ZNF844: variants seen among roughly 807,000 people sequenced by gnomAD.
ZNF844 encodes the protein zinc finger protein 844.
In ZNF844, 11 loss-of-function variants were observed where a neutral mutation model predicts 11.4. The ratio of observed to expected loss-of-function variants is 0.97; its 90% confidence interval spans 0.61 to 1.60. The LOEUF is 1.60. Ranked by LOEUF, ZNF844 falls within the 40% of genes most tolerant of loss-of-function variation. ZNF844 has a pLI of 0.00. For missense variants in ZNF844, 790 were observed against 796.8 expected, an observed-to-expected ratio of 0.99 and a Z score of 0.10; for synonymous variants, 248 against 260.3, an observed-to-expected ratio of 0.95 and a Z score of 0.46.
rs1975856875 is a variant in ZNF844, at chr19:12,078,456, C to T, written c.*1335C>T. 1 of 152,114 alleles carries T rather than the reference C, an allele frequency of 6.6e-6. No individual in the cohort carries two copies. Among genetic ancestry groups the T allele is most frequent in the African/African-American group, 2.4e-5 (1 of 41,402 alleles). The allele number at this position is 152,114 out of a possible 1,614,324, so 9.4% of individuals were successfully genotyped here. ...TTCTCTATTTAATTAATTGAGAAGC[C>T]ATAATAAAATATCTCAGTGCCATCA... On this transcript the variant is annotated 3_prime_UTR_variant, in exon 4 of 4. Transcript: ENST00000439326.
chr19:12,073,455 C>T (rs1975773576), intron 1 of ZNF844, among the ~76,000 whole-genome samples: 1 of 152,108 alleles, frequency 6.6e-6, no homozygotes, highest in Non-Finnish European at 1.5e-5. Context: ...CGCGCCCGGC[C>T]CACAGTACTG....
At position 12,076,038 on chromosome 19, in the gene ZNF844, G is replaced by A; in HGVS notation, c.918G>A (p.Glu306=). Reference sequence around the variant, plus strand: ...TACATGAAAGAACTCACAGTGAGGAGAAGGCTTATGAATGTACCAAATGTG... The same window carrying A: ...TACATGAAAGAACTCACAGTGAGGAAAAGGCTTATGAATGTACCAAATGTG... ...FQIHERTHSE[E]KAYECTKCGK... The change falls in exon 4 of 4, where the codon GAG becomes GAA. Residue 306 remains glutamate, a synonymous_variant. Coordinates refer to ENST00000439326, the MANE Select transcript of ZNF844 (RefSeq NM_001136501.3). 8 of 1,566,266 alleles carry A rather than the reference G, an allele frequency of 5.1e-6. No homozygotes were observed. Among genetic ancestry groups the A allele is most frequent in the Non-Finnish European group, 6.9e-6 (8 of 1,154,962 alleles).
Position 12,074,354 on chromosome 19 carries a change from A to G in ZNF844, c.131-7A>G. The G allele has an allele frequency of 6.6e-7, 1 of 1,522,778 alleles. No homozygotes were observed. The highest frequency in any genetic ancestry group is 2.5e-5 in the East Asian group (1 of 40,686). 94.3% of individuals were successfully genotyped at this position (1,522,778 alleles called of 1,614,324 possible). A position where few individuals can be genotyped will look rare whatever the true frequency, so the allele number is the denominator to read the frequency against. On this transcript the variant is annotated splice_region_variant and splice_polypyrimidine_tract_variant and intron_variant, in intron 2 of 3. Transcript: ENST00000439326. The stretch of plus-strand genomic sequence containing the variant: ...TTCAGGATTCTTTTTCTGATTCTGT[A>G]TTTTAGGAGAAAAATGGAAAGACCA...
At chr19:12,073,556 G>GC (rs1568359478) in intron 1 of ZNF844, among the ~76,000 whole-genome samples, 1 of 143,818 alleles carries the variant, frequency 7.0e-6, no homozygotes, top group Non-Finnish European at 1.5e-5. Context: ...GCAAAATCCA[G>GC]TTTTTTTTTT....
chr19:12,066,597 A>T (rs1975691802), intron 1 of ZNF844, among the ~76,000 whole-genome samples: 1 of 125,960 alleles, frequency 7.9e-6, no homozygotes, highest in Non-Finnish European at 1.6e-5. Context: ...CCCAGACTGG[A>T]GTGCAGTGAC....
chr19:12,077,141 A>G lies in ZNF844; in HGVS notation c.*20A>G. 6.2e-7 allele frequency: 1 copy of G among 1,601,862 alleles called. No individual in the cohort carries two copies. The highest frequency in any genetic ancestry group is 8.5e-7 in the Non-Finnish European group (1 of 1,174,188). On this transcript the variant is annotated 3_prime_UTR_variant, in exon 4 of 4. Transcript: ENST00000439326. ...GAGTGAAACCGTATGAATGCAAGGA[A>G]TGTGGCAAAGCCTTCACTTCTTCTG...
At chr19:12,073,719 T>TA (rs1196009868) in intron 1 of ZNF844, among the ~76,000 whole-genome samples, 1 of 152,160 alleles carries the variant, frequency 6.6e-6, no homozygotes, top group Non-Finnish European at 1.5e-5. Context: ...AGGACTGTGT[T>TA]ATGACAGGTG....
intron 1 of ZNF844, among the ~76,000 whole-genome samples, chr19:12,071,145 C>T (rs548294827): frequency 6.6e-6 from 1 of 152,304 alleles, no homozygotes; most frequent in African/African-American, 2.4e-5. Flanking sequence ...TTCCTCCCCA[C>T]GTTCCAGAAC....
intron 1 of ZNF844, among the ~76,000 whole-genome samples, chr19:12,069,708 A>T (rs2145543470): frequency 6.7e-6 from 1 of 148,996 alleles, no homozygotes; most frequent in South Asian, 2.2e-4. Context: ...TAATCCTAGC[A>T]CTTTGGGAGG....
At chr19:12,071,642 A>G (rs929057409) in intron 1 of ZNF844, among the ~76,000 whole-genome samples, 2 of 150,842 alleles carry the variant, frequency 1.3e-5, no homozygotes, top group African/African-American at 4.9e-5. Flanking sequence ...GGCCCTTTTC[A>G]TATATCTTGC....
chr19:12,071,218 T>A (rs1348473830), intron 1 of ZNF844, among the ~76,000 whole-genome samples: 1 of 152,174 alleles, frequency 6.6e-6, no homozygotes, highest in Admixed American at 6.6e-5. Context: ...ATGATACATG[T>A]GAAACTGCTG....
At chr19:12,070,120 AAAATAAAAATAAGCGT>A (rs1375231004) in intron 1 of ZNF844, 1 of 151,340 alleles carries the variant, frequency 6.6e-6, no homozygotes, top group African/African-American at 2.4e-5. Flanking sequence ...AAAAAAGACA[AAAATAAAAATAAGCGT>A]AAAAAAAAAA....
rs1975833063 is a variant in ZNF844, at chr19:12,076,989, A to G, written c.1869A>G (p.Ser623=). ...ATGTAAGGAATGCGGAAAAGCGTTC[A>G]ATTATTTTTCTTCTTTGCGTATACA... ...PMNVRNAEKR[S]IIFLLCVYTK... The change falls in exon 4 of 4, where the codon TCA becomes TCG. Residue 623 remains serine, a synonymous_variant. Transcript: ENST00000439326. 1 of 1,600,500 alleles carries G rather than the reference A, an allele frequency of 6.2e-7. No homozygotes were observed. Among genetic ancestry groups the G allele is most frequent in the Non-Finnish European group, 8.5e-7 (1 of 1,173,074 alleles).
In ZNF844 at chr19:12,080,101, C is replaced by G. The variant is rs753411237; in HGVS notation, c.*2980C>G. ...CAGTGGCTCACGCCTGTAATCCCAGCACTTTGGGAGGCTGAGGTGGGCGGA... is the reference window on the plus strand; with the variant it reads ...CAGTGGCTCACGCCTGTAATCCCAGGACTTTGGGAGGCTGAGGTGGGCGGA... On this transcript the variant is annotated 3_prime_UTR_variant, in exon 4 of 4. Coordinates refer to ENST00000439326, the MANE Select transcript of ZNF844 (RefSeq NM_001136501.3). 6.2e-6 allele frequency: 1 copy of G among 160,130 alleles called. No individual in the cohort carries two copies. Among genetic ancestry groups the G allele is most frequent in the African/African-American group, 2.4e-5 (1 of 41,464 alleles). 9.9% of individuals were successfully genotyped at this position (160,130 alleles called of 1,614,324 possible).
chr19:12,064,760 T>C lies in ZNF844; in HGVS notation c.-114T>C. ...TTTGGCCCCTCCCGCCGGGTGAGGT[T>C]GGCACCCCGTTTTTCCTGCTCTGAG... On this transcript the variant is annotated 5_prime_UTR_variant, in exon 1 of 4. Coordinates refer to ENST00000439326, the MANE Select transcript of ZNF844 (RefSeq NM_001136501.3). 1 of 1,174,950 alleles carries C rather than the reference T, an allele frequency of 8.5e-7. No individual in the cohort carries two copies. The allele number at this position is 1,174,950 out of a possible 1,614,324, so 72.8% of individuals were successfully genotyped here. A position where few individuals can be genotyped will look rare whatever the true frequency, so the allele number is the denominator to read the frequency against.
Position 12,077,609 on chromosome 19 carries a change from G to T in ZNF844, c.*488G>T. The T allele has an allele frequency of 1.8e-6, 1 of 558,256 alleles. No individual in the cohort carries two copies. 34.6% of individuals were successfully genotyped at this position (558,256 alleles called of 1,614,324 possible). The stretch of plus-strand genomic sequence containing the variant: ...CCACTCAACTTCAGATGCATAGAAA[G>T]ATTCACACTGGCGAGAAACCCTATG... On this transcript the variant is annotated 3_prime_UTR_variant, in exon 4 of 4. Transcript: ENST00000439326.
chr19:12,069,194 T>C (rs994046204), intron 1 of ZNF844, among the ~76,000 whole-genome samples: 23 of 147,888 alleles, frequency 1.6e-4, no homozygotes, highest in Non-Finnish European at 2.8e-4. Context: ...TTTTTTTTTT[T>C]TTTTTTGAGA....
At chr19:12,075,175 C>T (rs778292142) in intron 3 of ZNF844, 137 bp from the exon 4 acceptor site, 2 of 529,046 alleles carry the variant, frequency 3.8e-6, no homozygotes, top group Non-Finnish European at 5.3e-6. Context: ...GCACGTTGTG[C>T]ACATGTACCC....
intron 1 of ZNF844, 123 bp downstream of exon 1, chr19:12,064,999 G>T: frequency 9.3e-7 from 1 of 1,076,640 alleles, no homozygotes. Flanking sequence ...GAGGTCTGGG[G>T]CCCGAGCCCC....
Sources: allele counts gnomAD v4.1 joint callset (sites outside exome capture counted in the v4.1 genomes callset), GRCh38; gene constraint gnomAD v4.1.1; transcripts MANE v1.5; gene names NCBI Gene and HGNC (gene_info 2026-07-23, HGNC 2026-07-21).